Variants in KATNIP observed in about 807,000 individuals in gnomAD.
The protein encoded by KATNIP is katanin-interacting protein.
In KATNIP, 126 loss-of-function variants were observed where a neutral mutation model predicts 174.0. The observed-to-expected ratio is 0.72, with a 90% CI of 0.63 to 0.84. The LOEUF (loss-of-function observed/expected upper bound fraction) is 0.84. Among genes scored for constraint, KATNIP ranks in the 40% least tolerant of loss-of-function variants. The probability of loss-of-function intolerance (pLI) is 0.00; values close to 1 mark genes in which losing one functional copy is unlikely to be tolerated. For synonymous variants in KATNIP, 810 were observed against 835.7 expected (o/e 0.97, Z 0.53); for missense variants, 1,958 against 2,109.7 (o/e 0.93, Z 1.41).
At chr16:27,760,792 G>A (rs1205186178) in intron 18 of KATNIP, among the ~76,000 whole-genome samples, 1 of 152,216 alleles carries the variant, frequency 6.6e-6, no homozygotes, top group East Asian at 1.9e-4. Flanking sequence ...GATTACAGCA[G>A]TGACCAGGGC....
intron 5 of KATNIP, among the ~76,000 whole-genome samples, chr16:27,634,179 A>C (rs1244022657): frequency 6.6e-6 from 1 of 152,164 alleles, no homozygotes; most frequent in Non-Finnish European, 1.5e-5. Context: ...CATCCTCCTC[A>C]GTCTCTCCTT....
intron 8 of KATNIP, among the ~76,000 whole-genome samples, chr16:27,696,884 A>G (rs1175386157): frequency 6.6e-6 from 1 of 151,892 alleles, no homozygotes; most frequent in South Asian, 2.1e-4. Flanking sequence ...GCCTGCCACT[A>G]CACCCAGCTA....
chr16:27,627,785 G>A (rs1453303836), intron 3 of KATNIP, among the ~76,000 whole-genome samples: 1 of 152,184 alleles, frequency 6.6e-6, no homozygotes, highest in Non-Finnish European at 1.5e-5. Context: ...TGCTAGGTTG[G>A]CTGGTTGTCT....
At chr16:27,771,551 G>A (rs1257393609) in intron 21 of KATNIP, 37 bp from the exon 22 acceptor site, 6 of 1,602,144 alleles carry the variant, frequency 3.7e-6, no homozygotes, top group South Asian at 1.1e-5. Context: ...CTGGGCCGTC[G>A]TGAGCTTCTT....
In KATNIP at chr16:27,773,169, G is replaced by A. The variant is rs1391732692; in HGVS notation, c.4269G>A (p.Leu1423=). Residue 1423 remains leucine, a synonymous_variant, in exon 23 of 28, where the codon CTG becomes CTA. Transcript: ENST00000261588. ...ACATCGGCCTCACCGGCCTGGAGCT[G>A]TATGACGAGCGAGGAGAAAAAATCC... is the stretch of plus-strand genomic sequence containing the variant. ...PYYIGLTGLE[L]YDERGEKIPL... 1.1e-5 allele frequency: 18 copies of A among 1,612,356 alleles called. No homozygotes were observed. The highest frequency in any genetic ancestry group is 1.4e-5 in the Non-Finnish European group (17 of 1,179,246).
intron 2 of KATNIP, among the ~76,000 whole-genome samples, chr16:27,579,047 G>T (rs1018498394): frequency 1.5e-4 from 23 of 152,202 alleles, no homozygotes; most frequent in Non-Finnish European, 2.9e-5. Context: ...AATTATTAAT[G>T]ATTTTGAAAT....
chr16:27,685,758 T>C (rs2078500250), intron 8 of KATNIP, among the ~76,000 whole-genome samples: 1 of 152,206 alleles, frequency 6.6e-6, no homozygotes, highest in Admixed American at 6.5e-5. Context: ...AAGAAAGAGT[T>C]CTGTGGCTAA....
intron 6 of KATNIP, among the ~76,000 whole-genome samples, chr16:27,651,200 G>A (rs943436087): frequency 5.9e-5 from 9 of 152,162 alleles, no homozygotes; most frequent in African/African-American, 2.2e-4. Context: ...ATCCTTTTGT[G>A]CACATACTCC....
intron 1 of KATNIP, 21 bp downstream of exon 1, chr16:27,550,198 C>T: frequency 1.9e-6 from 3 of 1,607,118 alleles, no homozygotes; most frequent in East Asian, 2.2e-5. Context: ...GTGGGCCCCT[C>T]CGGGAGGTCG....
chr16:27,761,432 T>G lies in KATNIP; in HGVS notation c.3651T>G (p.Thr1217=). Residue 1217 remains threonine, a synonymous_variant, in exon 19 of 28, where the codon ACT becomes ACG. Transcript: ENST00000261588. ...TTGCAGGCCTTCAGCTGAATTTCAC[T>G]GCCTCCTGGGGAGACTTGCACTACC... ...YHGICLQLNF[T]ASWGDLHYLG... 6.2e-7 allele frequency: 1 copy of G among 1,608,968 alleles called. No homozygotes were observed. The highest frequency in any genetic ancestry group is 8.5e-7 in the Non-Finnish European group (1 of 1,177,164).
chr16:27,776,995 CGAAAACACCCCATCGAGGGGT>C lies in KATNIP; in HGVS notation c.4521_4541del (p.Thr1508_Lys1514del). 6.2e-7 allele frequency: 1 copy of C among 1,613,424 alleles called. No homozygotes were observed. Among genetic ancestry groups the C allele is most frequent in the Non-Finnish European group, 8.5e-7 (1 of 1,179,344 alleles). On this transcript the variant is annotated inframe_deletion, in exon 25 of 28. Coordinates refer to ENST00000261588, the MANE Select transcript of KATNIP (RefSeq NM_015202.5). The surrounding 1 kb of genome is among the most constrained non-coding windows in gnomAD (Gnocchi z 4.7). Reference sequence around the variant, plus strand: ...TCAATGATCAAACTGTGGAATTATGCGAAAACACCCCATCGAGGGGTGAAGGAGTTTGGCGTAAGTACTTAT... The same window carrying C: ...TCAATGATCAAACTGTGGAATTATGCGAAGGAGTTTGGCGTAAGTACTTAT...
intron 6 of KATNIP, among the ~76,000 whole-genome samples, chr16:27,650,437 T>TA (rs2142353700): frequency 6.6e-6 from 1 of 152,322 alleles, no homozygotes; most frequent in Admixed American, 6.5e-5. Flanking sequence ...TCTCCATAGT[T>TA]ATGTAGAAGC....
intron 2 of KATNIP, among the ~76,000 whole-genome samples, chr16:27,614,665 C>T (rs1312136553): frequency 1.3e-5 from 2 of 152,138 alleles, no homozygotes; most frequent in Non-Finnish European, 2.9e-5. Flanking sequence ...CTTATTATTA[C>T]TTACTTCATG....
At position 27,777,872 on chromosome 16, in the gene KATNIP, T is replaced by C; in HGVS notation, c.4713-9T>C. ...CTGATCGAATCTTGTGTTTCCTTCC[T>C]ACCCTCAGTAATCAGGCCGAGGATC... is the stretch of plus-strand genomic sequence containing the variant. On this transcript the variant is annotated splice_polypyrimidine_tract_variant and intron_variant, in intron 26 of 27. Transcript: ENST00000261588. This position sits in a 1 kb window ranked among gnomAD's most constrained non-coding sequence, Gnocchi z 4.4. The C allele has an allele frequency of 6.2e-7, 1 of 1,613,704 alleles. No individual in the cohort carries two copies. Among genetic ancestry groups the C allele is most frequent in the Non-Finnish European group, 8.5e-7 (1 of 1,179,580 alleles).
At chr16:27,560,797 T>A (rs1421123647) in intron 1 of KATNIP, among the ~76,000 whole-genome samples, 2 of 152,182 alleles carry the variant, frequency 1.3e-5, no homozygotes, top group Non-Finnish European at 2.9e-5. Context: ...GAGACTCACT[T>A]CTTTCCTTTG....
At chr16:27,602,064 C>T (rs1168712905) in intron 2 of KATNIP, among the ~76,000 whole-genome samples, 2 of 152,196 alleles carry the variant, frequency 1.3e-5, no homozygotes, top group African/African-American at 4.8e-5. Flanking sequence ...ATCAGGTCCA[C>T]TAACAGCACC....
chr16:27,739,494 C>G (rs1332226395), intron 14 of KATNIP, among the ~76,000 whole-genome samples: 2 of 152,178 alleles, frequency 1.3e-5, no homozygotes, highest in African/African-American at 4.8e-5. Flanking sequence ...GACTTGCACC[C>G]GAGTCCTTGT....
intron 8 of KATNIP, among the ~76,000 whole-genome samples, chr16:27,696,328 T>C (rs1429830505): frequency 6.6e-6 from 1 of 152,254 alleles, no homozygotes. Context: ...TTGATGCAAT[T>C]TTATTTTTTA....
chr16:27,600,326 T>G (rs916977245), intron 2 of KATNIP, among the ~76,000 whole-genome samples: 2 of 152,234 alleles, frequency 1.3e-5, no homozygotes, highest in African/African-American at 4.8e-5. Context: ...TGGCAAAATC[T>G]TGACTGCAGT....
Sources: gnomAD v4.1 joint callset for allele counts (sites outside exome capture counted in the v4.1 genomes callset) on GRCh38, gnomAD v4.1.1 for gene constraint, Gnocchi (gnomAD v3.1) non-coding constraint, MANE v1.5 for transcripts, NCBI Gene and HGNC (gene_info 2026-07-23, HGNC 2026-07-21) for gene names.